Variants in KCNAB1 observed in about 807,000 individuals in gnomAD.
KCNAB1 encodes potassium voltage-gated channel subfamily A regulatory beta subunit 1.
A neutral mutation model predicts 64.6 loss-of-function variants in KCNAB1; 35 were observed. The ratio of observed to expected loss-of-function variants is 0.54; its 90% confidence interval spans 0.41 to 0.72. KCNAB1 has a LOEUF of 0.72. Among genes scored for constraint, KCNAB1 ranks in the 30% least tolerant of loss-of-function variants. KCNAB1 has a pLI of 0.00. For missense variants in KCNAB1, 401 were observed against 512.9 expected, an observed-to-expected ratio of 0.78 and a Z score of 2.11; for synonymous variants, 177 against 183.8, an observed-to-expected ratio of 0.96 and a Z score of 0.30.
chr3:156,122,831 C>T (rs944543796), intron 1 of KCNAB1, among the ~76,000 whole-genome samples: 21 of 152,172 alleles, frequency 1.4e-4, no homozygotes, highest in African/African-American at 4.6e-4. Flanking sequence ...ACATTTATTA[C>T]AGAGTTCAAT....
Position 156,452,998 on chromosome 3 carries a change from G to T in KCNAB1, c.357+62G>T. On this transcript the variant is annotated intron_variant, in intron 3 of 13. Transcript: ENST00000490337. The surrounding 1 kb of genome is among the most constrained non-coding windows in gnomAD (Gnocchi z 4.6). ...AAAATGCAGAGAGAGCTGTATTGCA[G>T]GAGTCCTCTTCCTGGGACCCTGACA... The T allele has an allele frequency of 8.8e-7, 1 of 1,138,892 alleles. No individual in the cohort carries two copies. The highest frequency in any genetic ancestry group is 1.3e-6 in the Non-Finnish European group (1 of 766,066). The allele number at this position is 1,138,892 out of a possible 1,614,324, so 70.5% of individuals were successfully genotyped here.
chr3:156,259,210 A>T (rs1342135211), intron 1 of KCNAB1, among the ~76,000 whole-genome samples: 5 of 152,236 alleles, frequency 3.3e-5, no homozygotes, highest in African/African-American at 1.2e-4. Context: ...ACAGTGGCCC[A>T]GCCATTATCT....
chr3:156,312,254 G>A (rs1171677705), intron 1 of KCNAB1, among the ~76,000 whole-genome samples: 1 of 152,218 alleles, frequency 6.6e-6, no homozygotes, highest in Non-Finnish European at 1.5e-5. Context: ...TCTGGTGGAA[G>A]ACATGGATAT....
intron 1 of KCNAB1, among the ~76,000 whole-genome samples, chr3:156,219,870 C>A (rs1576617352): frequency 6.6e-6 from 1 of 151,912 alleles, no homozygotes; most frequent in East Asian, 1.9e-4. Flanking sequence ...CTCCCCCAGC[C>A]CCTAACCCCC....
intron 1 of KCNAB1, among the ~76,000 whole-genome samples, chr3:156,171,928 G>C (rs912742342): frequency 2.6e-5 from 4 of 152,142 alleles, no homozygotes; most frequent in African/African-American, 7.2e-5. Context: ...TGATTTCTGG[G>C]AGTAAAATAT....
At chr3:156,410,894 G>T (rs959720233) in intron 1 of KCNAB1, among the ~76,000 whole-genome samples, 1 of 152,180 alleles carries the variant, frequency 6.6e-6, no homozygotes, top group African/African-American at 2.4e-5. Context: ...GAATAAAGCT[G>T]CTATGAATAT....
intron 1 of KCNAB1, among the ~76,000 whole-genome samples, chr3:156,163,901 G>A (rs1412307313): frequency 6.6e-6 from 1 of 152,188 alleles, no homozygotes; most frequent in Non-Finnish European, 1.5e-5. Flanking sequence ...TTCATTTAGT[G>A]TGGATACAAC....
At chr3:156,153,256 C>T (rs1715522546) in intron 1 of KCNAB1, among the ~76,000 whole-genome samples, 1 of 152,134 alleles carries the variant, frequency 6.6e-6, no homozygotes, top group South Asian at 2.1e-4. Context: ...ATCCAAGTAT[C>T]CTTATTTGAG....
chr3:156,476,547 GCACACACACACACATATA>G (rs1559904956), intron 8 of KCNAB1, among the ~76,000 whole-genome samples: 4 of 120,874 alleles, frequency 3.3e-5, no homozygotes, highest in Non-Finnish European at 3.5e-5. Context: ...ACACACACAC[GCACACACACACACATATA>G]CACACACACA....
chr3:156,476,564 T>C (rs11710901), intron 8 of KCNAB1, among the ~76,000 whole-genome samples: 2 of 149,844 alleles, frequency 1.3e-5, no homozygotes, highest in African/African-American at 2.5e-5. Flanking sequence ...CACACACATA[T>C]ACACACACAC....
intron 8 of KCNAB1, among the ~76,000 whole-genome samples, chr3:156,501,046 G>T (rs1002749185): frequency 6.6e-6 from 1 of 152,174 alleles, no homozygotes; most frequent in Non-Finnish European, 1.5e-5. Context: ...ACTAGAGGCC[G>T]CTGTCATTGT....
intron 7 of KCNAB1, among the ~76,000 whole-genome samples, chr3:156,470,226 C>T (rs1713780834): frequency 2.0e-5 from 3 of 152,226 alleles, no homozygotes; most frequent in Non-Finnish European, 4.4e-5. Flanking sequence ...GAAGAAATTT[C>T]ACTAGCAGAT....
chr3:156,237,861 C>T (rs1019241878), intron 1 of KCNAB1, among the ~76,000 whole-genome samples: 1 of 152,160 alleles, frequency 6.6e-6, no homozygotes. Context: ...CTGTCTTCTC[C>T]ACCACAGTGC....
chr3:156,188,936 G>T lies in KCNAB1; in HGVS notation c.275+68050G>T, dbSNP rs868848541. 1.6e-4 allele frequency among the ~76,000 whole-genome samples: 25 copies of T among 152,272 alleles called. No individual in the cohort carries two copies. In the Middle Eastern group the frequency reaches 0.01, roughly 62 times the overall value. On this transcript the variant is annotated intron_variant, in intron 1 of 13. Coordinates refer to ENST00000490337, the MANE Select transcript of KCNAB1 (RefSeq NM_172160.3). ...GCCCACTGGAGAAGGGTGAGTCGTG[G>T]TGGGCCCTGGGGACTGACCATGCTT...
intron 1 of KCNAB1, among the ~76,000 whole-genome samples, chr3:156,373,150 G>A (rs1403955799): frequency 1.3e-5 from 2 of 152,192 alleles, no homozygotes; most frequent in South Asian, 2.1e-4. Flanking sequence ...GAGCTTCTTA[G>A]GTCAAACACA....
chr3:156,349,794 G>A (rs1359760301), intron 1 of KCNAB1, among the ~76,000 whole-genome samples: 1 of 152,074 alleles, frequency 6.6e-6, no homozygotes, highest in Non-Finnish European at 1.5e-5. Context: ...TAAACTCCTG[G>A]GCTCCAGCAA....
intron 1 of KCNAB1, among the ~76,000 whole-genome samples, chr3:156,391,662 T>C (rs887593696): frequency 1.3e-5 from 2 of 152,122 alleles, no homozygotes; most frequent in African/African-American, 2.4e-5. Flanking sequence ...CTATTACCTA[T>C]GGGGAAAATA....
chr3:156,416,092 G>T (rs1014791546), intron 1 of KCNAB1, among the ~76,000 whole-genome samples: 1 of 151,954 alleles, frequency 6.6e-6, no homozygotes, highest in African/African-American at 2.4e-5. Flanking sequence ...TACCTACTGG[G>T]GATATCTGGA....
At chr3:156,331,573 A>C (rs984050048) in intron 1 of KCNAB1, among the ~76,000 whole-genome samples, 7 of 152,208 alleles carry the variant, frequency 4.6e-5, no homozygotes, top group Non-Finnish European at 8.8e-5. Flanking sequence ...ATGAGGGCAT[A>C]TAAATGATTT....
Sources: allele counts gnomAD v4.1 joint callset (sites outside exome capture counted in the v4.1 genomes callset), GRCh38; gene constraint gnomAD v4.1.1; non-coding constraint Gnocchi (gnomAD v3.1); transcripts MANE v1.5; gene names NCBI Gene and HGNC (gene_info 2026-07-23, HGNC 2026-07-21).